Variants in TTC17 observed in about 807,000 individuals in gnomAD.
TTC17 encodes the protein tetratricopeptide repeat protein 17.
In TTC17, 58 loss-of-function variants were observed where a neutral mutation model predicts 143.8. That is an observed-to-expected ratio of 0.40 (90% CI 0.33 to 0.50). The LOEUF is 0.50. TTC17 is among the 20% of genes least tolerant of loss of function. TTC17 has a pLI of 0.49. For missense variants in TTC17, 1,273 were observed against 1,392.5 expected (o/e 0.91, Z 1.37); for synonymous variants, 501 against 497.8 (o/e 1.01, Z -0.09).
intron 21 of TTC17, among the ~76,000 whole-genome samples, chr11:43,469,703 A>G (rs1948053373): frequency 6.6e-6 from 1 of 152,200 alleles, no homozygotes; most frequent in Non-Finnish European, 1.5e-5. Context: ...GAAGGTATTG[A>G]CTGGAATACC....
intron 1 of TTC17, among the ~76,000 whole-genome samples, chr11:43,376,309 T>C (rs575638806): frequency 6.6e-6 from 1 of 152,226 alleles, no homozygotes; most frequent in African/African-American, 2.4e-5. Context: ...TTCTGAATAA[T>C]AGAATTCCAT....
At chr11:43,461,354 G>A (rs1398024899) in intron 21 of TTC17, among the ~76,000 whole-genome samples, 3 of 132,252 alleles carry the variant, frequency 2.3e-5, no homozygotes, top group Admixed American at 8.7e-5. Flanking sequence ...ACTGCAGTCC[G>A]CAGTCCGGCC....
chr11:43,434,758 G>GTTTT (rs1947247329), intron 16 of TTC17, among the ~76,000 whole-genome samples: 2 of 152,146 alleles, frequency 1.3e-5, no homozygotes, highest in Non-Finnish European at 2.9e-5. Flanking sequence ...GATTTCTTGA[G>GTTTT]AGCTAAAACT....
At chr11:43,370,480 T>C (rs1590310712) in intron 1 of TTC17, 2 of 152,452 alleles carry the variant, frequency 1.3e-5, no homozygotes, top group South Asian at 2.0e-4. Flanking sequence ...TATAAGTGAA[T>C]ACACGAGGGA....
chr11:43,366,505 C>CAAAA (rs11284058), intron 1 of TTC17, among the ~76,000 whole-genome samples: 1 of 122,004 alleles, frequency 8.2e-6, no homozygotes, highest in Non-Finnish European at 1.8e-5. Context: ...GACTCTGCCT[C>CAAAA]AAAAAAAAAA....
At position 43,377,627 on chromosome 11, in the gene TTC17, TCTG is replaced by T. The variant is rs142104806; in HGVS notation, c.160-1603_160-1601del. ...ACAGCTGTCAGTGAACTCCCTTCCT[TCTG>T]CTAATAATTTTATCTTTATGCCTCC... On this transcript the variant is annotated intron_variant, in intron 1 of 23. Transcript: ENST00000039989. Among the ~76,000 whole-genome samples the T allele has an allele frequency of 3.8e-3, 579 of 152,316 alleles. 17 individuals carry two copies. The highest frequency in any genetic ancestry group is 0.03 in the Admixed American group (466 of 15,292).
At chr11:43,396,959 A>G in intron 6 of TTC17, 141 bp downstream of exon 6, 1 of 335,310 alleles carries the variant, frequency 3.0e-6, no homozygotes, top group Non-Finnish European at 5.2e-6. Context: ...TCCCACCACA[A>G]AAAAAAAAAA....
chr11:43,410,781 G>A (rs1209692263), intron 15 of TTC17, among the ~76,000 whole-genome samples: 1 of 152,158 alleles, frequency 6.6e-6, no homozygotes, highest in Non-Finnish European at 1.5e-5. Flanking sequence ...CTCATTTCAG[G>A]AAATAATAAA....
Position 43,401,547 on chromosome 11 carries a change from G to C in TTC17, c.1321G>C (p.Asp441His). The change falls in exon 10 of 24, where the codon GAC (aspartate) becomes CAC (histidine). Residue 441 changes from aspartate (D) to histidine (H), a missense_variant. Around this residue, in one of 3 missense-constraint regions of TTC17, gnomAD observed 878 missense variants for 899.8 expected, o/e 0.98. Transcript: ENST00000039989. Reference sequence around the variant, plus strand: ...TCGTGGAGATATCTTTGAAAATGTGGACTATGTTCAGGTCTTTTTCTTGGT... The same window carrying C: ...TCGTGGAGATATCTTTGAAAATGTGCACTATGTTCAGGTCTTTTTCTTGGT... ...YHRGDIFENVDYVQFGEDSST... is the reference protein window; with the variant it reads ...YHRGDIFENVHYVQFGEDSST... 2 of 1,609,838 alleles carry C rather than the reference G, an allele frequency of 1.2e-6. No homozygotes were observed. Among genetic ancestry groups the C allele is most frequent in the Non-Finnish European group, 1.7e-6 (2 of 1,177,556 alleles).
chr11:43,469,298 G>C (rs1399991539), intron 21 of TTC17, among the ~76,000 whole-genome samples: 1 of 152,116 alleles, frequency 6.6e-6, no homozygotes, highest in Non-Finnish European at 1.5e-5. Context: ...GATTATTTTG[G>C]AAAACAGTTT....
intron 16 of TTC17, among the ~76,000 whole-genome samples, chr11:43,427,505 C>A (rs1373034422): frequency 6.6e-6 from 1 of 152,184 alleles, no homozygotes; most frequent in Non-Finnish European, 1.5e-5. Flanking sequence ...TGACTACATA[C>A]ATCCTGCTTT....
rs557328474 is a variant in TTC17 at position 43,397,871 on chromosome 11, C to G, written c.919-103C>G. 281 of 1,476,592 alleles carry G rather than the reference C, an allele frequency of 1.9e-4. 4 individuals carry two copies. The African/African-American group carries it at 3.5e-3, about 18-fold the overall frequency. 91.5% of individuals were successfully genotyped at this position (1,476,592 alleles called of 1,614,324 possible). A position where few individuals can be genotyped will look rare whatever the true frequency, so the allele number is the denominator to read the frequency against. ...AATCATTAGAGGATTTGGACAGATG[C>G]AACCAGGCCGTGGCTAACATTTTTT... is the stretch of plus-strand genomic sequence containing the variant. On this transcript the variant is annotated intron_variant, in intron 7 of 23. Coordinates refer to ENST00000039989, the MANE Select transcript of TTC17 (RefSeq NM_018259.6).
chr11:43,470,003 C>G (rs927487158), intron 21 of TTC17, among the ~76,000 whole-genome samples: 1 of 151,762 alleles, frequency 6.6e-6, no homozygotes, highest in Non-Finnish European at 1.5e-5. Flanking sequence ...GGTAAATGTT[C>G]GAGGAGACAG....
At chr11:43,469,940 C>T (rs147356412) in intron 21 of TTC17, among the ~76,000 whole-genome samples, 351 of 152,260 alleles carry the variant, frequency 2.3e-3, no homozygotes, top group African/African-American at 8.2e-3. Flanking sequence ...AGAAGGAAAA[C>T]TATCCCACAT....
chr11:43,379,938 T>G (rs1247291319), intron 2 of TTC17, among the ~76,000 whole-genome samples: 1 of 152,186 alleles, frequency 6.6e-6, no homozygotes, highest in Non-Finnish European at 1.5e-5. Flanking sequence ...AAACTAGGTT[T>G]TTTTTTTCTC....
At chr11:43,482,768 A>C (rs1948311308) in intron 21 of TTC17, among the ~76,000 whole-genome samples, 1 of 152,080 alleles carries the variant, frequency 6.6e-6, no homozygotes, top group Admixed American at 6.5e-5. Context: ...TGAGAGGCTA[A>C]TTCAACTATA....
intron 1 of TTC17, among the ~76,000 whole-genome samples, chr11:43,362,482 G>C (rs1590296626): frequency 6.6e-6 from 1 of 152,182 alleles, no homozygotes; most frequent in Non-Finnish European, 1.5e-5. Context: ...ACATCCTTTG[G>C]TGGGTTGAAA....
At chr11:43,421,805 C>T (rs1258029444) in intron 16 of TTC17, among the ~76,000 whole-genome samples, 2 of 150,544 alleles carry the variant, frequency 1.3e-5, no homozygotes, top group Non-Finnish European at 3.0e-5. Flanking sequence ...GTGCACAAAA[C>T]ATGTAATGTG....
chr11:43,359,227 A>G (rs1385383780), intron 1 of TTC17, 114 bp downstream of exon 1: 3 of 1,330,606 alleles, frequency 2.3e-6, no homozygotes, highest in Middle Eastern at 2.4e-4. Context: ...CTACCCTCAC[A>G]GGGAGGTGGC....
Sources: allele counts gnomAD v4.1 joint callset (sites outside exome capture counted in the v4.1 genomes callset), GRCh38; gene constraint gnomAD v4.1.1; regional missense constraint gnomAD v4.1.1; transcripts MANE v1.5; gene names NCBI Gene and HGNC (gene_info 2026-07-23, HGNC 2026-07-21).